SYNPO2: variants seen among roughly 807,000 people sequenced by gnomAD.
The protein encoded by SYNPO2 is synaptopodin 2.
A neutral mutation model predicts 85.0 loss-of-function variants in SYNPO2; 56 were observed. The ratio of observed to expected loss-of-function variants is 0.66; its 90% confidence interval spans 0.53 to 0.82. The LOEUF is 0.82. Ranked by LOEUF, SYNPO2 falls within the 40% of genes least tolerant of loss-of-function variation. The probability of loss-of-function intolerance (pLI) is 0.00; values close to 1 mark genes in which losing one functional copy is unlikely to be tolerated. For synonymous variants in SYNPO2, 602 were observed against 591.1 expected (o/e 1.02, Z -0.27); for missense variants, 1,575 against 1,534.2 (o/e 1.03, Z -0.44).
At chr4:118,933,958 T>G (rs1326430577) in intron 1 of SYNPO2, among the ~76,000 whole-genome samples, 1 of 151,874 alleles carries the variant, frequency 6.6e-6, no homozygotes, top group African/African-American at 2.4e-5. Context: ...TCAGTTGCAA[T>G]GCTAGTTAAC....
At chr4:118,899,937 G>T (rs947566727) in intron 1 of SYNPO2, among the ~76,000 whole-genome samples, 2 of 151,878 alleles carry the variant, frequency 1.3e-5, no homozygotes, top group Admixed American at 1.3e-4. Context: ...AATTTTTGTA[G>T]TTTTAGTAGA....
intron 1 of SYNPO2, among the ~76,000 whole-genome samples, chr4:118,852,333 C>T (rs1172092238): frequency 6.6e-6 from 1 of 152,144 alleles, no homozygotes; most frequent in East Asian, 1.9e-4. Context: ...GACCTAAAGA[C>T]AGAAATACCA....
rs891945490 is a variant in SYNPO2 at position 119,030,177 on chromosome 4, C to T, written c.1402C>T (p.Leu468=). ...TGTGAACTTTGACTGGGATTCTGGA[C>T]TGGTGGACATTGAAAAGAAACTGAA... ...QVVNFDWDSG[L]VDIEKKLNRG... The change falls in exon 4 of 5, where the codon CTG becomes TTG. Residue 468 remains leucine (L), a synonymous_variant. Coordinates refer to ENST00000307142, the MANE Select transcript of SYNPO2 (RefSeq NM_133477.3). The T allele has an allele frequency of 1.9e-6, 3 of 1,614,054 alleles. No homozygotes were observed. Among genetic ancestry groups the T allele is most frequent in the Admixed American group, 1.7e-5 (1 of 60,010 alleles).
At chr4:119,045,722 A>C (rs1352954664) in intron 4 of SYNPO2, among the ~76,000 whole-genome samples, 3 of 152,222 alleles carry the variant, frequency 2.0e-5, no homozygotes, top group African/African-American at 7.2e-5. Flanking sequence ...ATTAAACTAG[A>C]CTTTTATGAA....
At chr4:118,904,099 A>ACTTT (rs140322680) in intron 1 of SYNPO2, among the ~76,000 whole-genome samples, 2,114 of 152,250 alleles carry the variant, frequency 0.014, 47 homozygotes, top group African/African-American at 0.049. Flanking sequence ...GAGCAAATGG[A>ACTTT]CTTTCAATAT....
chr4:119,050,758 G>A (rs913059863), intron 4 of SYNPO2, among the ~76,000 whole-genome samples: 7 of 152,168 alleles, frequency 4.6e-5, no homozygotes, highest in Non-Finnish European at 1.0e-4. Flanking sequence ...AAAGATTGGC[G>A]TGTGCTCTCG....
chr4:118,926,512 A>G (rs541360483), intron 1 of SYNPO2, among the ~76,000 whole-genome samples: 26 of 152,268 alleles, frequency 1.7e-4, no homozygotes, highest in African/African-American at 5.5e-4. Context: ...AATAAAGGTG[A>G]TTAAATATTC....
At chr4:118,960,206 T>A (rs538584186) in intron 1 of SYNPO2, among the ~76,000 whole-genome samples, 1 of 152,272 alleles carries the variant, frequency 6.6e-6, no homozygotes, top group East Asian at 1.9e-4. Flanking sequence ...GAACTGTGAA[T>A]GAAAAAATGT....
rs909011609 is a variant in SYNPO2, at chr4:118,889,196, A to C, written c.105+55A>C. On this transcript the variant is annotated intron_variant, in intron 1 of 4. Transcript: ENST00000307142. ...GTGCTAGGAAGGAAGGAATGAAAGC[A>C]ACCTGCTGATGGTGTTTTCAGGTTC... The C allele has an allele frequency of 1.3e-4, 199 of 1,516,328 alleles. 1 individual carries two copies. The highest frequency in any genetic ancestry group is 1.7e-4 in the Non-Finnish European group (189 of 1,105,356). The allele number at this position is 1,516,328 out of a possible 1,614,324, so 93.9% of individuals were successfully genotyped here. A position where few individuals can be genotyped will look rare whatever the true frequency, so the allele number is the denominator to read the frequency against.
chr4:118,924,010 G>A (rs933363029), intron 1 of SYNPO2, among the ~76,000 whole-genome samples: 2 of 151,930 alleles, frequency 1.3e-5, no homozygotes, highest in Non-Finnish European at 2.9e-5. Context: ...GCACTTTTAT[G>A]TAATTTGTGT....
At position 118,876,713 on chromosome 4, in the gene SYNPO2, CTTTCTTTCTTTCTTTCT is replaced by C. The variant is rs1365265982; in HGVS notation, c.12+25776_12+25792del. On this transcript the variant is annotated intron_variant, in intron 1 of 4. Transcript: ENST00000610556. ...TCTTTCTTTCTTTCTTTCTTTCTTTCTTTCTTTCTTTCTTTCTTTCTTTCTGCCTTTCTCTGTCTCTC... is the reference window on the plus strand; with the variant it reads ...TCTTTCTTTCTTTCTTTCTTTCTTTCTTCTTTCTGCCTTTCTCTGTCTCTC... Among the ~76,000 whole-genome samples, 21 of 117,834 alleles carry C rather than the reference CTTTCTTTCTTTCTTTCT, an allele frequency of 1.8e-4. No individual in the cohort carries two copies. In the East Asian group the frequency reaches 5.7e-3, roughly 32 times the overall value. The allele number at this position is 117,834 out of a possible 152,430, so 77.3% of individuals were successfully genotyped here.
At chr4:119,028,629 A>G (rs999298917) in intron 3 of SYNPO2, among the ~76,000 whole-genome samples, 2 of 152,140 alleles carry the variant, frequency 1.3e-5, no homozygotes, top group African/African-American at 2.4e-5. Context: ...AGTTTCAACT[A>G]TTTTTCTCTA....
chr4:118,944,623 T>C (rs1055747088), intron 1 of SYNPO2, among the ~76,000 whole-genome samples: 1 of 149,178 alleles, frequency 6.7e-6, no homozygotes, highest in Non-Finnish European at 1.5e-5. Context: ...CAACTAGTAA[T>C]AATTACAAAA....
At chr4:118,904,537 T>C (rs1732869169) in intron 1 of SYNPO2, among the ~76,000 whole-genome samples, 1 of 152,192 alleles carries the variant, frequency 6.6e-6, no homozygotes, top group Admixed American at 6.5e-5. Flanking sequence ...AAATTGTCCT[T>C]GGTAAGTAAA....
intron 1 of SYNPO2, among the ~76,000 whole-genome samples, chr4:118,880,125 G>T (rs1732053161): frequency 6.6e-6 from 1 of 152,172 alleles, no homozygotes; most frequent in South Asian, 2.1e-4. Context: ...AGTCCCTGAG[G>T]TAAGGAAATT....
chr4:119,037,119 G>A, intron 4 of SYNPO2: 3 of 1,538,504 alleles, frequency 1.9e-6, no homozygotes, highest in Non-Finnish European at 2.6e-6. Flanking sequence ...CAGGTGAAAT[G>A]TAAATCTGGG....
At chr4:118,919,105 T>A (rs897358159) in intron 1 of SYNPO2, among the ~76,000 whole-genome samples, 1 of 152,192 alleles carries the variant, frequency 6.6e-6, no homozygotes, top group Non-Finnish European at 1.5e-5. Flanking sequence ...GATTCAGTCA[T>A]GTGCACAAGT....
At chr4:118,970,930 G>A (rs62327808) in intron 1 of SYNPO2, among the ~76,000 whole-genome samples, 13,478 of 152,252 alleles carry the variant, frequency 0.089, 735 homozygotes, top group South Asian at 0.15. Context: ...ATGAGTTCCA[G>A]AGGACACAGA....
chr4:118,861,687 T>G (rs1457637992), intron 1 of SYNPO2, among the ~76,000 whole-genome samples: 1 of 152,198 alleles, frequency 6.6e-6, no homozygotes, highest in Non-Finnish European at 1.5e-5. Context: ...CTCTGTTATA[T>G]TCTACTGGTG....
Sources: allele counts gnomAD v4.1 joint callset (sites outside exome capture counted in the v4.1 genomes callset), GRCh38; gene constraint gnomAD v4.1.1; transcripts MANE v1.5; gene names NCBI Gene and HGNC (gene_info 2026-07-23, HGNC 2026-07-21).